Variants in PLCB1 observed in about 807,000 individuals in gnomAD.
PLCB1 encodes the protein 1-phosphatidylinositol 4,5-bisphosphate phosphodiesterase beta-1.
Under a neutral mutation model 161.8 loss-of-function variants are expected in PLCB1, and 46 were observed. The observed-to-expected ratio is 0.28, with a 90% CI of 0.22 to 0.36. The LOEUF (loss-of-function observed/expected upper bound fraction) is 0.36. Ranked by LOEUF, PLCB1 falls within the 10% of genes least tolerant of loss-of-function variation. The pLI, the probability that PLCB1 is intolerant of heterozygous loss-of-function variation, is 1.00. For missense variants in PLCB1, 1,016 were observed against 1,472.5 expected (o/e 0.69, Z 5.07); for synonymous variants, 517 against 503.7 (o/e 1.03, Z -0.35).
intron 3 of PLCB1, among the ~76,000 whole-genome samples, chr20:8,546,312 TCAA>T (rs1985544184): frequency 1.9e-5 from 1 of 52,084 alleles, no homozygotes; most frequent in African/African-American, 9.3e-5. Context: ...AGACTCTATC[TCAA>T]AAAAAAAAAA....
intron 3 of PLCB1, among the ~76,000 whole-genome samples, chr20:8,561,637 A>G (rs773027385): frequency 3.3e-5 from 5 of 152,000 alleles, no homozygotes; most frequent in Admixed American, 6.6e-5. Context: ...CCCTCCCCAC[A>G]TTAACTTTCC....
At chr20:8,702,327 G>A (rs915784372) in intron 11 of PLCB1, among the ~76,000 whole-genome samples, 1 of 151,736 alleles carries the variant, frequency 6.6e-6, no homozygotes, top group Non-Finnish European at 1.5e-5. Flanking sequence ...TTCTCCTTAC[G>A]CTTGACACCA....
intron 25 of PLCB1, among the ~76,000 whole-genome samples, chr20:8,762,990 T>G (rs6133617): frequency 0.32 from 48,906 of 152,040 alleles, 8,503 homozygotes; most frequent in East Asian, 0.51. Flanking sequence ...ATGTGAACTA[T>G]GACTTGATCT....
intron 31 of PLCB1, chr20:8,831,277 T>A (rs1193959958): frequency 6.5e-6 from 1 of 154,706 alleles, no homozygotes; most frequent in Non-Finnish European, 1.4e-5. Context: ...TGATGTACTG[T>A]CCTTTTCCAT....
intron 4 of PLCB1, among the ~76,000 whole-genome samples, chr20:8,643,753 C>CTCCCTT (rs1464922476): frequency 7.4e-6 from 1 of 135,156 alleles, no homozygotes; most frequent in Non-Finnish European, 1.7e-5. Flanking sequence ...CCCTCTCCCT[C>CTCCCTT]TCCCTCTCCC....
At chr20:8,829,979 A>G (rs1352689014) in intron 31 of PLCB1, among the ~76,000 whole-genome samples, 1 of 152,214 alleles carries the variant, frequency 6.6e-6, no homozygotes, top group South Asian at 2.1e-4. Flanking sequence ...GATTGTCTAC[A>G]TATATAATCC....
At chr20:8,770,677 C>T (rs759168839) in intron 26 of PLCB1, among the ~76,000 whole-genome samples, 9 of 152,030 alleles carry the variant, frequency 5.9e-5, no homozygotes, top group African/African-American at 9.7e-5. Flanking sequence ...GATGGGAAGC[C>T]GGGAGGGGGT....
At chr20:8,750,697 T>G (rs900471858) in intron 23 of PLCB1, 6 of 410,984 alleles carry the variant, frequency 1.5e-5, no homozygotes, top group African/African-American at 1.1e-4. Context: ...TTCATTCAAC[T>G]AATAGAAATT....
chr20:8,752,971 A>ATCTGTATTTACAGCTGC (rs150956180), intron 23 of PLCB1, among the ~76,000 whole-genome samples: 1 of 151,778 alleles, frequency 6.6e-6, no homozygotes, highest in South Asian at 2.1e-4. Flanking sequence ...GCAAAGCTTC[A>ATCTGTATTTACAGCTGC]TCCCCATCAC....
At chr20:8,141,379 A>G (rs1439363138) in intron 1 of PLCB1, among the ~76,000 whole-genome samples, 3 of 152,112 alleles carry the variant, frequency 2.0e-5, no homozygotes, top group Non-Finnish European at 4.4e-5. Flanking sequence ...ATCCCAGCAT[A>G]TTGGGAAGCC....
At chr20:8,428,822 A>T (rs1979907155) in intron 3 of PLCB1, among the ~76,000 whole-genome samples, 1 of 152,096 alleles carries the variant, frequency 6.6e-6, no homozygotes, top group Non-Finnish European at 1.5e-5. Context: ...AGGTGAGGGG[A>T]TTCTGTGGCC....
In PLCB1 at chr20:8,379,448, T is replaced by G. The variant is rs772769549; in HGVS notation, c.246+7998T>G. On this transcript the variant is annotated intron_variant, in intron 3 of 31. Transcript: ENST00000338037. ...CGTCTTTATAATAGAATGACTTATA[T>G]TCCTCTGGCTGTATACCCAGTAATG... is the stretch of plus-strand genomic sequence containing the variant. Among the ~76,000 whole-genome samples the G allele has an allele frequency of 2.6e-5, 4 of 152,168 alleles. No individual in the cohort carries two copies. The East Asian group carries it at 7.7e-4, about 29-fold the overall frequency.
At chr20:8,634,316 G>T (rs1731287608) in intron 4 of PLCB1, among the ~76,000 whole-genome samples, 1 of 152,188 alleles carries the variant, frequency 6.6e-6, no homozygotes, top group Admixed American at 6.5e-5. Flanking sequence ...GTGAACATTA[G>T]TCTTTAATGT....
chr20:8,468,197 A>G (rs1375715443), intron 3 of PLCB1, among the ~76,000 whole-genome samples: 1 of 152,192 alleles, frequency 6.6e-6, no homozygotes, highest in Non-Finnish European at 1.5e-5. Context: ...AGGGAGCCTT[A>G]TAGAGGCTCT....
At chr20:8,377,088 T>C (rs537237217) in intron 3 of PLCB1, among the ~76,000 whole-genome samples, 18 of 152,256 alleles carry the variant, frequency 1.2e-4, no homozygotes, top group African/African-American at 4.1e-4. Context: ...CCAGTAGACC[T>C]ATCAGCAGGT....
chr20:8,384,200 C>G (rs1568656059), intron 3 of PLCB1, among the ~76,000 whole-genome samples: 1 of 152,062 alleles, frequency 6.6e-6, no homozygotes, highest in African/African-American at 2.4e-5. Flanking sequence ...TCCCATATCT[C>G]TTGGAGGCTT....
At chr20:8,796,423 T>C (rs1473929293) in intron 31 of PLCB1, among the ~76,000 whole-genome samples, 1 of 152,186 alleles carries the variant, frequency 6.6e-6, no homozygotes, top group African/African-American at 2.4e-5. Context: ...AATAAAATAT[T>C]TTTTAAAGTA....
intron 3 of PLCB1, among the ~76,000 whole-genome samples, chr20:8,403,630 C>T (rs569813351): frequency 2.0e-5 from 3 of 151,670 alleles, no homozygotes; most frequent in South Asian, 2.1e-4. Flanking sequence ...TGTAGTGACA[C>T]GTACCTGTAG....
chr20:8,241,713 C>A (rs1426389010), intron 2 of PLCB1, among the ~76,000 whole-genome samples: 1 of 151,664 alleles, frequency 6.6e-6, no homozygotes, highest in Non-Finnish European at 1.5e-5. Context: ...AACACATCAA[C>A]TAGTATACAC....
Sources: allele counts gnomAD v4.1 joint callset (sites outside exome capture counted in the v4.1 genomes callset), GRCh38; gene constraint gnomAD v4.1.1; transcripts MANE v1.5; gene names NCBI Gene and HGNC (gene_info 2026-07-23, HGNC 2026-07-21).